Variants in FSHR observed in about 807,000 individuals in gnomAD.
The protein encoded by FSHR is follicle stimulating hormone receptor.
In FSHR, 46 loss-of-function variants were observed where a neutral mutation model predicts 52.1. The observed-to-expected ratio is 0.88, with a 90% CI of 0.70 to 1.13. The LOEUF is 1.13. Ranked by LOEUF, FSHR falls within the 50% of genes most tolerant of loss-of-function variation. The probability of loss-of-function intolerance (pLI) is 0.00; values close to 1 mark genes in which losing one functional copy is unlikely to be tolerated. For synonymous variants in FSHR, 399 were observed against 309.6 expected (o/e 1.29, Z -3.03); for missense variants, 964 against 834.6 (o/e 1.16, Z -1.91).
intron 2 of FSHR, among the ~76,000 whole-genome samples, chr2:49,067,130 A>T (rs1256913435): frequency 1.3e-5 from 2 of 152,096 alleles, no homozygotes; most frequent in Non-Finnish European, 2.9e-5. Flanking sequence ...CTCTTAATAC[A>T]CAGATGAGGA....
chr2:49,038,348 G>A (rs1253863080), intron 2 of FSHR, among the ~76,000 whole-genome samples: 4 of 152,068 alleles, frequency 2.6e-5, no homozygotes, highest in Admixed American at 1.3e-4. Context: ...TTGGCTGTGC[G>A]CAGTGGCTCA....
intron 9 of FSHR, among the ~76,000 whole-genome samples, 194 bp from the exon 10 acceptor site, chr2:48,964,160 A>G (rs1674367416): frequency 6.6e-6 from 1 of 151,928 alleles, no homozygotes; most frequent in African/African-American, 2.4e-5. Flanking sequence ...CAACTTGTAT[A>G]TATATTACTA....
chr2:49,057,716 CA>C (rs756575869), intron 2 of FSHR, among the ~76,000 whole-genome samples: 1 of 151,220 alleles, frequency 6.6e-6, no homozygotes, highest in Non-Finnish European at 1.5e-5. Context: ...AAGGACATAG[CA>C]AAAAAAAGAA....
At chr2:49,039,148 G>A (rs1668396318) in intron 2 of FSHR, among the ~76,000 whole-genome samples, 2 of 152,232 alleles carry the variant, frequency 1.3e-5, no homozygotes, top group South Asian at 2.1e-4. Context: ...GTTGTAGCAA[G>A]TACAATTATA....
At chr2:49,143,854 A>T (rs968200912) in intron 1 of FSHR, among the ~76,000 whole-genome samples, 1 of 152,118 alleles carries the variant, frequency 6.6e-6, no homozygotes, top group Non-Finnish European at 1.5e-5. Context: ...CACCATCCCT[A>T]AAACACTCAG....
At chr2:49,114,391 C>A (rs1223595975) in intron 1 of FSHR, among the ~76,000 whole-genome samples, 1 of 152,156 alleles carries the variant, frequency 6.6e-6, no homozygotes, top group South Asian at 2.1e-4. Flanking sequence ...CATGTCAGAA[C>A]CAGCTTGCCA....
intron 4 of FSHR, among the ~76,000 whole-genome samples, chr2:49,008,891 A>C (rs1230611034): frequency 6.6e-5 from 10 of 151,112 alleles, no homozygotes; most frequent in African/African-American, 2.2e-4. Context: ...TTTTTCTTGT[A>C]AATTTGTTTG....
chr2:49,101,286 A>G (rs1054982989), intron 1 of FSHR, among the ~76,000 whole-genome samples: 45 of 152,282 alleles, frequency 3.0e-4, no homozygotes, highest in African/African-American at 1.0e-3. Flanking sequence ...GAGAGACTCA[A>G]ACATGTTTAT....
rs56326531 is a variant in FSHR at position 49,038,626 on chromosome 2, A to AAATAATAAT, written c.225-18475_225-18467dup. Among the ~76,000 whole-genome samples the AAATAATAAT allele has an allele frequency of 2.5e-3, 179 of 70,616 alleles. 7 individuals carry two copies. The highest frequency in any genetic ancestry group is 3.3e-3 in the Non-Finnish European group (109 of 32,914). 46.3% of individuals were successfully genotyped at this position (70,616 alleles called of 152,430 possible). The stretch of plus-strand genomic sequence containing the variant: ...GGCGACAGAGCAAGACTCTGTCTCA[A>AAATAATAAT]AATAATAATAATAATAATAATAATA... On this transcript the variant is annotated intron_variant, in intron 2 of 9. Transcript: ENST00000406846.
intron 1 of FSHR, among the ~76,000 whole-genome samples, chr2:49,099,111 T>A (rs1041188479): frequency 6.6e-6 from 1 of 151,914 alleles, no homozygotes; most frequent in African/African-American, 2.4e-5. Context: ...AATTGTATTT[T>A]TCCCCCAAAA....
intron 2 of FSHR, among the ~76,000 whole-genome samples, chr2:49,050,553 A>C (rs1183847000): frequency 6.6e-6 from 1 of 152,182 alleles, no homozygotes; most frequent in Non-Finnish European, 1.5e-5. Context: ...TCCAACTAAA[A>C]GAAGCCTTGT....
chr2:49,097,996 T>C (rs1035242270), intron 1 of FSHR, among the ~76,000 whole-genome samples: 6 of 152,196 alleles, frequency 3.9e-5, no homozygotes, highest in Admixed American at 3.3e-4. Context: ...ATATCTATAT[T>C]ATCATTCATT....
chr2:49,089,996 A>G (rs1670540579), intron 1 of FSHR, among the ~76,000 whole-genome samples: 1 of 152,208 alleles, frequency 6.6e-6, no homozygotes, highest in Non-Finnish European at 1.5e-5. Context: ...AAATGAACTA[A>G]CATTTATTGA....
intron 1 of FSHR, 81 bp downstream of exon 1, chr2:49,154,185 T>C (rs903756975): frequency 4.9e-6 from 7 of 1,437,406 alleles, no homozygotes; most frequent in Non-Finnish European, 6.8e-6. Flanking sequence ...CTAACAGATA[T>C]CAGCCTAATG....
intron 2 of FSHR, among the ~76,000 whole-genome samples, chr2:49,026,209 G>A (rs1389111577): frequency 6.6e-6 from 1 of 152,108 alleles, no homozygotes; most frequent in African/African-American, 2.4e-5. Context: ...AAATGCACTT[G>A]GTTTCAAATA....
At chr2:49,116,415 C>T (rs1464239398) in intron 1 of FSHR, among the ~76,000 whole-genome samples, 1 of 152,114 alleles carries the variant, frequency 6.6e-6, no homozygotes, top group East Asian at 1.9e-4. Flanking sequence ...CAGCCTTAGG[C>T]AGATGAGAGT....
At chr2:48,976,142 T>C (rs1183328529) in intron 8 of FSHR, among the ~76,000 whole-genome samples, 2 of 152,212 alleles carry the variant, frequency 1.3e-5, no homozygotes, top group African/African-American at 4.8e-5. Flanking sequence ...TAGCTCTTAT[T>C]ATTTTGAGAT....
chr2:48,987,755 A>G (rs776311713), intron 6 of FSHR, among the ~76,000 whole-genome samples: 22 of 150,984 alleles, frequency 1.5e-4, no homozygotes, highest in Admixed American at 2.6e-4. Flanking sequence ...TTTTCTTTGT[A>G]TATCATTCAT....
At chr2:48,991,831 C>T (rs1275469168) in intron 4 of FSHR, among the ~76,000 whole-genome samples, 2 of 152,186 alleles carry the variant, frequency 1.3e-5, no homozygotes, top group African/African-American at 4.8e-5. Flanking sequence ...ATGTGACTTA[C>T]TCAAGATGGA....
Sources: allele counts gnomAD v4.1 joint callset (sites outside exome capture counted in the v4.1 genomes callset), GRCh38; gene constraint gnomAD v4.1.1; transcripts MANE v1.5; gene names NCBI Gene and HGNC (gene_info 2026-07-23, HGNC 2026-07-21).